The following AOC3 variants were observed in gnomAD, a reference collection of about 807,000 sequenced individuals.
AOC3 encodes amine oxidase copper containing 3.
In AOC3, 47 loss-of-function variants were observed where a neutral mutation model predicts 55.4. The ratio of observed to expected loss-of-function variants is 0.85; its 90% CI spans 0.67 to 1.08. The LOEUF (loss-of-function observed/expected upper bound fraction) is 1.08, where lower values mean the gene tolerates loss of function less well. Ranked by LOEUF, AOC3 falls within the 50% of genes least tolerant of loss-of-function variation. AOC3 has a pLI of 0.00. For synonymous variants in AOC3, 386 were observed against 410.7 expected, an observed-to-expected ratio of 0.94 and a Z score of 0.73; for missense variants, 853 against 993.1, an observed-to-expected ratio of 0.86 and a Z score of 1.90.
In AOC3 at chr17:42,856,689, A is replaced by T. The variant is rs937296767; in HGVS notation, c.*139A>T. 6 of 1,034,092 alleles carry T rather than the reference A, an allele frequency of 5.8e-6. No individual in the cohort carries two copies. The highest frequency in any genetic ancestry group is 5.5e-6 in the Non-Finnish European group (4 of 722,602). 64.1% of individuals were successfully genotyped at this position (1,034,092 alleles called of 1,614,324 possible). ...TCTTTCTTCCACTACCCTCCCTCGCATCCGCCTCTGAGCCAGGAGCCTCCT... is the reference window on the plus strand; with the variant it reads ...TCTTTCTTCCACTACCCTCCCTCGCTTCCGCCTCTGAGCCAGGAGCCTCCT... On this transcript the variant is annotated 3_prime_UTR_variant, in exon 4 of 4. Transcript: ENST00000308423.
In AOC3 at chr17:42,855,469, A is replaced by G. The variant is rs373538375; in HGVS notation, c.1912A>G (p.Lys638Glu). 5 of 1,609,578 alleles carry G rather than the reference A, an allele frequency of 3.1e-6. No homozygotes were observed. The highest frequency in any genetic ancestry group is 1.7e-5 in the Admixed American group (1 of 59,070). Reference sequence around the variant, plus strand: ...GTACCAGCTGGCTGTGACCCAGCGGAAGGAGGAGGAGCCCAGTAGCAGCAG... The same window carrying G: ...GTACCAGCTGGCTGTGACCCAGCGGGAGGAGGAGGAGCCCAGTAGCAGCAG... ...ERYQLAVTQR[K>E]EEEPSSSSVF... The change falls in exon 3 of 4, where the codon AAG becomes GAG. Residue 638 changes from lysine (K) to glutamate (E), a missense_variant. Physicochemically the swap from Lys to Glu is moderately conservative, Grantham distance 56. Coordinates refer to ENST00000308423, the MANE Select transcript of AOC3 (RefSeq NM_003734.4).
Position 42,851,954 on chromosome 17 carries a change from G to A in AOC3, c.611G>A (p.Arg204Gln), listed in dbSNP as rs763156795. 31 of 1,613,614 alleles carry A rather than the reference G, an allele frequency of 1.9e-5. No individual in the cohort carries two copies. Among genetic ancestry groups the A allele is most frequent in the Admixed American group, 5.0e-5 (3 of 59,990 alleles). The change falls in exon 1 of 4, where the codon CGG becomes CAG. Residue 204 changes from arginine to glutamine, a missense_variant. Coordinates refer to ENST00000308423, the MANE Select transcript of AOC3 (RefSeq NM_003734.4). ...CACCACTGTTGCTTCTACAAGCACC[G>A]GGGACGGAACCTGGTGACAATGACC... ...LLHHCCFYKHRGRNLVTMTTA... is the reference protein window; with the variant it reads ...LLHHCCFYKHQGRNLVTMTTA...
rs1478289231 is a variant in AOC3, at chr17:42,857,779, A to T, written c.*1229A>T. On this transcript the variant is annotated 3_prime_UTR_variant, in exon 4 of 4. Coordinates refer to ENST00000308423, the MANE Select transcript of AOC3 (RefSeq NM_003734.4). ...ACTTTTTTCTCTAAAGGACTGGTTA[A>T]ATCAATTCTGATACAGCCTTACAAT... is the stretch of plus-strand genomic sequence containing the variant. 6.6e-6 allele frequency: 1 copy of T among 152,242 alleles called. No individual in the cohort carries two copies. Among genetic ancestry groups the T allele is most frequent in the Non-Finnish European group, 1.5e-5 (1 of 68,038 alleles). The allele number at this position is 152,242 out of a possible 1,614,324, so 9.4% of individuals were successfully genotyped here.
intron 3 of AOC3, 35 bp downstream of exon 3, chr17:42,855,608 C>T (rs1322002820): frequency 3.1e-6 from 5 of 1,613,812 alleles, no homozygotes. Context: ...CAGGATGAGC[C>T]TTGCTTTCTC....
In AOC3 at chr17:42,856,552, C is replaced by T. The variant is rs530207214; in HGVS notation, c.*2C>T. On this transcript the variant is annotated 3_prime_UTR_variant, in exon 4 of 4. Coordinates refer to ENST00000308423, the MANE Select transcript of AOC3 (RefSeq NM_003734.4). ...CACGGGGGCTTCTCTCACAACTAGG[C>T]GGTCCTGGGATGGGGCATGTGGCCA... 1.6e-4 allele frequency: 246 copies of T among 1,575,600 alleles called. 1 individual carries two copies. The highest frequency in any genetic ancestry group is 1.4e-3 in the East Asian group (61 of 44,628).
rs771299605 is a variant in AOC3, at chr17:42,856,283, G to A, written c.2025G>A (p.Val675=). 15 of 1,613,756 alleles carry A rather than the reference G, an allele frequency of 9.3e-6. No individual in the cohort carries two copies. The East Asian group carries it at 3.3e-4, about 36-fold the overall frequency. ...TTCTTCTCCCCTGCTAGGATTTGGT[G>A]GCCTGGGTGACAGCTGGTTTTCTGC... ...NNETIAGKDL[V]AWVTAGFLHI... Residue 675 remains valine, a synonymous_variant, in exon 4 of 4, where the codon GTG becomes GTA. Coordinates refer to ENST00000308423, the MANE Select transcript of AOC3 (RefSeq NM_003734.4).
rs8078145 is a variant in AOC3, at chr17:42,856,340, A to C, written c.2082A>C (p.Thr694=). ...CACATGCAGAGGACATTCCTAACACAGTGACTGTGGGGAACGGCGTGGGCT... is the reference window on the plus strand; with the variant it reads ...CACATGCAGAGGACATTCCTAACACCGTGACTGTGGGGAACGGCGTGGGCT... ...HIPHAEDIPN[T]VTVGNGVGFF... Residue 694 remains threonine (T), a synonymous_variant, in exon 4 of 4, where the codon ACA becomes ACC. Coordinates refer to ENST00000308423, the MANE Select transcript of AOC3 (RefSeq NM_003734.4). 1 of 1,613,964 alleles carries C rather than the reference A, an allele frequency of 6.2e-7. No homozygotes were observed. The highest frequency in any genetic ancestry group is 1.7e-5 in the Admixed American group (1 of 60,006).
chr17:42,856,176 T>G, intron 3 of AOC3, 99 bp from the exon 4 acceptor site: 3 of 1,460,072 alleles, frequency 2.1e-6, no homozygotes, highest in Non-Finnish European at 2.8e-6. Flanking sequence ...GAAAAAATGT[T>G]TAAAGACTCA....
At chr17:42,855,686 A>G (rs2055739954) in intron 3 of AOC3, 113 bp downstream of exon 3, 1 of 1,408,136 alleles carries the variant, frequency 7.1e-7, no homozygotes, top group South Asian at 1.3e-5. Context: ...TCTGCACTTC[A>G]GTATATCTGA....
intron 1 of AOC3, chr17:42,853,249 A>G (rs780046984): frequency 4.9e-5 from 57 of 1,164,518 alleles, no homozygotes; most frequent in Non-Finnish European, 6.0e-5. Context: ...TTGTACTTAT[A>G]TGGGCTCTGC....
At chr17:42,853,010 G>T in intron 1 of AOC3, 67 bp downstream of exon 1, 2 of 1,536,902 alleles carry the variant, frequency 1.3e-6, no homozygotes, top group South Asian at 1.2e-5. Flanking sequence ...ATTAGCTTTG[G>T]GTTTTATGTA....
chr17:42,853,913 C>T (rs2055709954), intron 1 of AOC3, among the ~76,000 whole-genome samples: 1 of 152,274 alleles, frequency 6.6e-6, no homozygotes, highest in Non-Finnish European at 1.5e-5. Flanking sequence ...TGTCCCTGGA[C>T]ACGCACTTCA....
Position 42,851,618 on chromosome 17 carries a change from C to A in AOC3, c.275C>A (p.Ser92Ter). ...GLVDAAQARP[S>*]DNCVFSVELQ... is the part of the protein sequence containing the mutation. ...GTGGATGCAGCCCAGGCCCGGCCCT[C>A]GGACAACTGTGTCTTCTCAGTGGAG... The change falls in exon 1 of 4, where the codon TCG (serine) becomes TAG (stop). Residue 92 changes from serine to a stop codon, truncating the protein, a stop_gained. Transcript: ENST00000308423. LOFTEE classifies it high-confidence loss of function. 1 of 1,613,358 alleles carries A rather than the reference C, an allele frequency of 6.2e-7. No homozygotes were observed. The highest frequency in any genetic ancestry group is 8.5e-7 in the Non-Finnish European group (1 of 1,180,026).
chr17:42,856,799 C>T lies in AOC3; in HGVS notation c.*249C>T. 1 of 563,320 alleles carries T rather than the reference C, an allele frequency of 1.8e-6. No homozygotes were observed. Among genetic ancestry groups the T allele is most frequent in the East Asian group, 2.9e-5 (1 of 33,922 alleles). 34.9% of individuals were successfully genotyped at this position (563,320 alleles called of 1,614,324 possible). A position where few individuals can be genotyped will look rare whatever the true frequency, so the allele number is the denominator to read the frequency against. On this transcript the variant is annotated 3_prime_UTR_variant, in exon 4 of 4. Transcript: ENST00000308423. ...TCTCATCCACAGAGGCCAGGCATGG[C>T]CCAGCCTGGAGCCGTGGCCGAGGGC...
In AOC3 at chr17:42,852,247, C is replaced by T. The variant is rs573088258; in HGVS notation, c.904C>T (p.Leu302=). Reference sequence around the variant, plus strand: ...CAATGGCACAGGTGGGTCCTGGTCCCTGAAGTCCCCTGTGCCCCCGGGTCC... The same window carrying T: ...CAATGGCACAGGTGGGTCCTGGTCCTTGAAGTCCCCTGTGCCCCCGGGTCC... ...PDNGTGGSWS[L]KSPVPPGPAP... Residue 302 remains leucine, a synonymous_variant, in exon 1 of 4, where the codon CTG becomes TTG. Coordinates refer to ENST00000308423, the MANE Select transcript of AOC3 (RefSeq NM_003734.4). 145 of 1,613,762 alleles carry T rather than the reference C, an allele frequency of 9.0e-5. 1 individual carries two copies. Among genetic ancestry groups the T allele is most frequent in the South Asian group, 4.8e-4 (44 of 91,050 alleles).
Position 42,851,416 on chromosome 17 carries a change from C to G in AOC3, c.73C>G (p.Leu25Val). The change falls in exon 1 of 4, where the codon CTG becomes GTG. Residue 25 changes from leucine to valine, a missense_variant. Leu to Val is a conservative substitution (Grantham distance 32). Coordinates refer to ENST00000308423, the MANE Select transcript of AOC3 (RefSeq NM_003734.4). ...ITIFALVCVL[L>V]VGRGGDGGEP... ...CATCTTTGCCTTGGTTTGTGTCCTG[C>G]TGGTGGGCAGGGGTGGAGATGGGGG... The G allele has an allele frequency of 6.2e-7, 1 of 1,614,062 alleles. No individual in the cohort carries two copies. Among genetic ancestry groups the G allele is most frequent in the Non-Finnish European group, 8.5e-7 (1 of 1,179,938 alleles).
Position 42,851,364 on chromosome 17 carries a change from C to T in AOC3, c.21C>T (p.Leu7=), listed in dbSNP as rs138725349. The change falls in exon 1 of 4, where the codon CTC becomes CTT. Residue 7 remains leucine, a synonymous_variant. Transcript: ENST00000308423. ...GGAAAATGAACCAGAAGACAATCCT[C>T]GTGCTCCTCATTCTGGCCGTCATCA... MNQKTI[L]VLLILAVITI... 2.0e-3 allele frequency: 3,222 copies of T among 1,605,660 alleles called. 6 individuals are homozygous for T. The highest frequency in any genetic ancestry group is 2.1e-3 in the Non-Finnish European group (2,509 of 1,175,180).
intron 1 of AOC3, 140 bp downstream of exon 1, chr17:42,853,083 T>C: frequency 7.4e-7 from 1 of 1,342,514 alleles, no homozygotes; most frequent in Non-Finnish European, 9.9e-7. Context: ...GGGAGAGAGT[T>C]GGCTGCTGAG....
Position 42,856,701 on chromosome 17 carries a change from G to A in AOC3, c.*151G>A. 1 of 904,866 alleles carries A rather than the reference G, an allele frequency of 1.1e-6. No homozygotes were observed. The highest frequency in any genetic ancestry group is 1.7e-5 in the South Asian group (1 of 58,348). 56.1% of individuals were successfully genotyped at this position (904,866 alleles called of 1,614,324 possible). ...TACCCTCCCTCGCATCCGCCTCTGA[G>A]CCAGGAGCCTCCTGACCCTGTGATG... On this transcript the variant is annotated 3_prime_UTR_variant, in exon 4 of 4. Coordinates refer to ENST00000308423, the MANE Select transcript of AOC3 (RefSeq NM_003734.4).
Sources: allele counts gnomAD v4.1 joint callset (sites outside exome capture counted in the v4.1 genomes callset), GRCh38; gene constraint gnomAD v4.1.1; transcripts MANE v1.5; gene names NCBI Gene and HGNC (gene_info 2026-07-23, HGNC 2026-07-21).